Variants in SLC49A3 observed in about 807,000 individuals in gnomAD.
The protein encoded by SLC49A3 is solute carrier family 49 member A3.
A neutral mutation model predicts 43.8 loss-of-function variants in SLC49A3; 50 were observed. The observed-to-expected ratio is 1.14, with a 90% CI of 0.91 to 1.45. The LOEUF (loss-of-function observed/expected upper bound fraction) is 1.45. Among genes scored for constraint, SLC49A3 ranks in the 40% most tolerant of loss-of-function variants. The pLI is 0.00. For synonymous variants in SLC49A3, 413 were observed against 352.0 expected, an observed-to-expected ratio of 1.17 and a Z score of -1.94; for missense variants, 906 against 774.1, an observed-to-expected ratio of 1.17 and a Z score of -2.02.
rs770490496 is a variant in SLC49A3 at position 682,080 on chromosome 4, C to G, written c.1558G>C (p.Gly520Arg). 1.8e-5 allele frequency: 25 copies of G among 1,405,252 alleles called. No homozygotes were observed. Among genetic ancestry groups the G allele is most frequent in the Admixed American group, 5.5e-5 (2 of 36,252 alleles). 87.0% of individuals were successfully genotyped at this position (1,405,252 alleles called of 1,614,324 possible). ...GAGGGCGCGTCGGTGGCTGCTGGGC[C>G]TTGCGCACGGGGAGTCGCTCGGTGG... ...ACHRATPRAQ[G>R]PAATDAPSRP... Residue 520 changes from glycine (G) to arginine (R), a missense_variant, in exon 10 of 10, where the codon GGC (glycine) becomes CGC (arginine). Coordinates refer to ENST00000322224, the MANE Select transcript of SLC49A3 (RefSeq NM_032219.4).
downstream of SLC49A3, chr4:679,915 C>T (rs368743591): frequency 1.2e-6 from 2 of 1,613,484 alleles, no homozygotes; most frequent in African/African-American, 1.3e-5. Context: ...CTGTAACAGG[C>T]AAGACCAACG....
chr4:683,312 CCGAGCAG>C lies in SLC49A3; in HGVS notation c.1042_1048del (p.Leu348GlyfsTer30). ...GGGGCCCACCGAGAAGCCAAACAGC[CCGAGCAG>C]CGAGCAGGTGGCAGCCAGGGCAAGG... On this transcript the variant is annotated frameshift_variant, in exon 8 of 10. Coordinates refer to ENST00000322224, the MANE Select transcript of SLC49A3 (RefSeq NM_032219.4). LOFTEE classifies it high-confidence loss of function. 6.2e-7 allele frequency: 1 copy of C among 1,612,622 alleles called. No homozygotes were observed. Among genetic ancestry groups the C allele is most frequent in the South Asian group, 1.1e-5 (1 of 91,068 alleles).
chr4:679,463 G>T (rs1739220866), downstream of SLC49A3, among the ~76,000 whole-genome samples: 1 of 152,026 alleles, frequency 6.6e-6, no homozygotes, highest in Non-Finnish European at 1.5e-5. Context: ...CGAGTGTGGT[G>T]GGGCACACTG....
intron 9 of SLC49A3, among the ~76,000 whole-genome samples, 178 bp from the exon 10 acceptor site, chr4:682,554 G>A (rs113401180): frequency 2.0e-5 from 3 of 152,332 alleles, no homozygotes; most frequent in African/African-American, 2.4e-5. Flanking sequence ...GGTCCTGAGA[G>A]AGGTCACTAG....
downstream of SLC49A3, chr4:680,681 GCCCACCTC>G: frequency 2.3e-6 from 3 of 1,298,240 alleles, no homozygotes; most frequent in South Asian, 1.2e-5. Flanking sequence ...CAGATGCCAC[GCCCACCTC>G]CCCACCTCTG....
At chr4:686,753 C>G (rs1172192504) in intron 1 of SLC49A3, 63 bp from the exon 2 acceptor site, 1 of 1,561,206 alleles carries the variant, frequency 6.4e-7, no homozygotes, top group Non-Finnish European at 8.7e-7. Flanking sequence ...GCTGTGGCCC[C>G]AGCCAGCCCG....
At position 682,303 on chromosome 4, in the gene SLC49A3, G is replaced by A. The variant is rs1739900253; in HGVS notation, c.1335C>T (p.Tyr445=). 1 of 1,353,190 alleles carries A rather than the reference G, an allele frequency of 7.4e-7. No homozygotes were observed. Among genetic ancestry groups the A allele is most frequent in the Non-Finnish European group, 9.6e-7 (1 of 1,043,174 alleles). 83.8% of individuals were successfully genotyped at this position (1,353,190 alleles called of 1,614,324 possible). A position where few individuals can be genotyped will look rare whatever the true frequency, so the allele number is the denominator to read the frequency against. ...CCCCAGACTCGGCCTGCAGGCGCCG[G>A]TATGGGGTGTGGAAGAAGACCGCCA... ...CILAVFFHTP[Y]RRLQAESGEP... is the part of the protein sequence containing the mutation. The change falls in exon 10 of 10, where the codon TAC becomes TAT. Residue 445 remains tyrosine, a synonymous_variant. Transcript: ENST00000322224.
downstream of SLC49A3, chr4:678,069 G>A (rs759531676): frequency 3.1e-6 from 5 of 1,610,762 alleles, no homozygotes; most frequent in Admixed American, 1.7e-5. Context: ...AGGCGTGTGG[G>A]TGTGAGCTGT....
Position 685,562 on chromosome 4 carries a change from C to T in SLC49A3, c.585+273G>A, listed in dbSNP as rs1740829702. On this transcript the variant is annotated intron_variant, in intron 4 of 9. Coordinates refer to ENST00000322224, the MANE Select transcript of SLC49A3 (RefSeq NM_032219.4). This position sits in a 1 kb window ranked among gnomAD's most constrained non-coding sequence, Gnocchi z 4.3. The stretch of plus-strand genomic sequence containing the variant: ...AAAATACAAAAAAAAAAAAATTAGC[C>T]AAGCATGGTGGCGCACGCCTGTAGT... Among the ~76,000 whole-genome samples, 1 of 152,058 alleles carries T rather than the reference C, an allele frequency of 6.6e-6. No homozygotes were observed. The highest frequency in any genetic ancestry group is 2.4e-5 in the African/African-American group (1 of 41,402).
Position 682,274 on chromosome 4 carries a change from G to A in SLC49A3, c.1364C>T (p.Pro455Leu). ...YRRLQAESGE[P>L]PSTRNAVGGA... ...GCCCACGGCGTTACGGGTGGAGGGGGGCTCCCCAGACTCGGCCTGCAGGCG... is the reference window on the plus strand; with the variant it reads ...GCCCACGGCGTTACGGGTGGAGGGGAGCTCCCCAGACTCGGCCTGCAGGCG... The change falls in exon 10 of 10, where the codon CCC becomes CTC. Residue 455 changes from proline (P) to leucine (L), a missense_variant. Pro to Leu is a moderately conservative substitution (Grantham distance 98). Coordinates refer to ENST00000322224, the MANE Select transcript of SLC49A3 (RefSeq NM_032219.4). 2.2e-6 allele frequency: 3 copies of A among 1,371,962 alleles called. No homozygotes were observed. The highest frequency in any genetic ancestry group is 1.9e-6 in the Non-Finnish European group (2 of 1,051,788). The allele number at this position is 1,371,962 out of a possible 1,614,324, so 85.0% of individuals were successfully genotyped here. A position where few individuals can be genotyped will look rare whatever the true frequency, so the allele number is the denominator to read the frequency against.
chr4:684,644 C>A, intron 5 of SLC49A3, 45 bp from the exon 6 acceptor site: 1 of 1,610,766 alleles, frequency 6.2e-7, no homozygotes, highest in Non-Finnish European at 8.5e-7. Flanking sequence ...GGGGCCCTTC[C>A]CAAACCCATC....
At chr4:690,803 C>T (rs976349296), upstream of SLC49A3, among the ~76,000 whole-genome samples, 1 of 152,260 alleles carries the variant, frequency 6.6e-6, no homozygotes, top group Non-Finnish European at 1.5e-5. Flanking sequence ...CATGTCGGAA[C>T]TCTTGGGTTG....
Position 689,105 on chromosome 4 carries a change from T to C in SLC49A3, c.23A>G (p.Glu8Gly), listed in dbSNP as rs1741614454. Residue 8 changes from glutamate to glycine, a missense_variant, in exon 1 of 10, where the codon GAG becomes GGG. Coordinates refer to ENST00000322224, the MANE Select transcript of SLC49A3 (RefSeq NM_032219.4). MAGPTEA[E>G]TGLAEPRALC... is the part of the protein sequence containing the mutation. ...GGCCCGGGGCTCGGCCAACCCCGTC[T>C]CGGCCTCCGTCGGCCCCGCCATCGT... 1 of 1,427,016 alleles carries C rather than the reference T, an allele frequency of 7.0e-7. No individual in the cohort carries two copies. The highest frequency in any genetic ancestry group is 9.1e-7 in the Non-Finnish European group (1 of 1,098,060). 88.4% of individuals were successfully genotyped at this position (1,427,016 alleles called of 1,614,324 possible).
At chr4:689,975 T>C (rs1741740907), upstream of SLC49A3, among the ~76,000 whole-genome samples, 1 of 152,236 alleles carries the variant, frequency 6.6e-6, no homozygotes, top group African/African-American at 2.4e-5. Flanking sequence ...GAGGCTGGCC[T>C]GGTCAGACGT....
At position 685,442 on chromosome 4, in the gene SLC49A3, G is replaced by C. The variant is rs551199248; in HGVS notation, c.585+393C>G. ...TGGCCGGGCGCGGTGGCTCACGCCT[G>C]TCATCCTAGCACTTTGGGAAGCCGA... On this transcript the variant is annotated intron_variant, in intron 4 of 9. Coordinates refer to ENST00000322224, the MANE Select transcript of SLC49A3 (RefSeq NM_032219.4). The surrounding 1 kb of genome is among the most constrained non-coding windows in gnomAD (Gnocchi z 4.3). Among the ~76,000 whole-genome samples, 13 of 152,030 alleles carry C rather than the reference G, an allele frequency of 8.6e-5. 1 individual carries two copies. In the South Asian group the frequency reaches 2.1e-3, roughly 24 times the overall value.
At chr4:677,954 G>T, downstream of SLC49A3, 1 of 1,612,544 alleles carries the variant, frequency 6.2e-7, no homozygotes, top group Non-Finnish European at 8.5e-7. Flanking sequence ...CTGTCCTGGG[G>T]GACCAAGCAG....
At chr4:688,846 T>C (rs1741559354) in intron 1 of SLC49A3, 147 bp downstream of exon 1, 1 of 1,302,760 alleles carries the variant, frequency 7.7e-7, no homozygotes, top group Non-Finnish European at 1.0e-6. Flanking sequence ...GTGCCCCCAG[T>C]GCCCGCAATC....
downstream of SLC49A3, chr4:678,508 A>C (rs1739085534): frequency 6.9e-7 from 1 of 1,444,356 alleles, no homozygotes; most frequent in Non-Finnish European, 9.1e-7. Context: ...CCCAGGCCTG[A>C]GGCTGGCATG....
chr4:683,691 T>A lies in SLC49A3; in HGVS notation c.911A>T (p.Tyr304Phe), dbSNP rs780717234. 6.2e-7 allele frequency: 1 copy of A among 1,605,372 alleles called. No homozygotes were observed. The highest frequency in any genetic ancestry group is 8.5e-7 in the Non-Finnish European group (1 of 1,176,488). Residue 304 changes from tyrosine to phenylalanine, a missense_variant, in exon 7 of 10, where the codon TAT becomes TTT. By Grantham distance (22) the Tyr-to-Phe change is conservative. Coordinates refer to ENST00000322224, the MANE Select transcript of SLC49A3 (RefSeq NM_032219.4). ...GILGALALGPYVDRTKHFTEA... is the reference protein window; with the variant it reads ...GILGALALGPFVDRTKHFTEA... ...AGTGAAGTGCTTGGTCCGGTCCACA[T>A]AGGGGCCGAGAGCCAGTGCCCCCAG...
Sources: gnomAD v4.1 joint callset for allele counts (sites outside exome capture counted in the v4.1 genomes callset) on GRCh38, gnomAD v4.1.1 for gene constraint, Gnocchi (gnomAD v3.1) non-coding constraint, MANE v1.5 for transcripts, NCBI Gene and HGNC (gene_info 2026-07-23, HGNC 2026-07-21) for gene names.